YAP1: variants seen among roughly 807,000 people sequenced by gnomAD.
YAP1 encodes the protein transcriptional coactivator YAP1.
Under a neutral mutation model 56.9 loss-of-function variants are expected in YAP1, and 5 were observed. The ratio of observed to expected loss-of-function variants is 0.09; its 90% CI spans 0.05 to 0.18. YAP1 has a LOEUF of 0.18. Among genes scored for constraint, YAP1 ranks in the 10% least tolerant of loss-of-function variants. The probability of loss-of-function intolerance (pLI) is 1.00; values close to 1 mark genes in which losing one functional copy is unlikely to be tolerated. For synonymous variants in YAP1, 265 were observed against 248.1 expected (o/e 1.07, Z -0.64); for missense variants, 539 against 651.8 (o/e 0.83, Z 1.88).
chr11:102,215,096 A>G (rs1412014034), intron 6 of YAP1, among the ~76,000 whole-genome samples: 1 of 152,248 alleles, frequency 6.6e-6, no homozygotes, highest in African/African-American at 2.4e-5. Context: ...GACTTTAGAA[A>G]TAATAAAATG....
At chr11:102,127,271 C>G (rs771579038) in intron 2 of YAP1, among the ~76,000 whole-genome samples, 31 of 152,218 alleles carry the variant, frequency 2.0e-4, no homozygotes, top group Non-Finnish European at 4.0e-4. Context: ...ACGTCAGCCC[C>G]TCCCATCACA....
At chr11:102,140,149 T>A (rs1057033177) in intron 2 of YAP1, among the ~76,000 whole-genome samples, 2 of 150,896 alleles carry the variant, frequency 1.3e-5, no homozygotes, top group Non-Finnish European at 2.9e-5. Flanking sequence ...TCTGATAGTG[T>A]AAAAAAAATT....
intron 4 of YAP1, among the ~76,000 whole-genome samples, chr11:102,194,525 C>T (rs1018146304): frequency 6.6e-6 from 1 of 152,164 alleles, no homozygotes; most frequent in Non-Finnish European, 1.5e-5. Context: ...GTGCCAGTTA[C>T]ATGCCAGGCA....
intron 5 of YAP1, among the ~76,000 whole-genome samples, chr11:102,206,612 A>G (rs1949133235): frequency 6.6e-6 from 1 of 152,278 alleles, no homozygotes; most frequent in East Asian, 1.9e-4. Context: ...TTGGGAGGCC[A>G]GGGTGGGCAG....
rs77939908 is a variant in YAP1 at position 102,163,194 on chromosome 11, C to T, written c.688+623C>T. Among the ~76,000 whole-genome samples the T allele has an allele frequency of 7.2e-3, 1,095 of 152,160 alleles. 13 individuals are homozygous for T. Among genetic ancestry groups the T allele is most frequent in the African/African-American group, 0.025 (1,046 of 41,504 alleles). On this transcript the variant is annotated intron_variant, in intron 3 of 8. Coordinates refer to ENST00000282441, the MANE Select transcript of YAP1 (RefSeq NM_001130145.3). ...AAATCTTTTTCTACCTCTTATTTGG[C>T]AATTTACTTGAATATGCAGTTTTTC...
intron 2 of YAP1, among the ~76,000 whole-genome samples, chr11:102,141,691 G>A (rs1018710213): frequency 6.6e-6 from 1 of 152,172 alleles, no homozygotes; most frequent in Non-Finnish European, 1.5e-5. Context: ...ATAACAACAT[G>A]TAATTTTAGT....
intron 2 of YAP1, among the ~76,000 whole-genome samples, chr11:102,149,197 A>G (rs966656357): frequency 2.6e-5 from 4 of 152,340 alleles, no homozygotes; most frequent in Middle Eastern, 3.4e-3. Flanking sequence ...TATTAATGCT[A>G]TGTAACCTGA....
In YAP1 at chr11:102,230,365, C is replaced by T. The variant is rs1165780951; in HGVS notation, c.*425C>T. 6.2e-6 allele frequency: 1 copy of T among 161,954 alleles called. No homozygotes were observed. The allele number at this position is 161,954 out of a possible 1,614,324, so 10.0% of individuals were successfully genotyped here. ...CAGTTGTTTCTTCAGCTTCCTTTGT[C>T]CAGTGGAAAAACATGATTTACTGGT... On this transcript the variant is annotated 3_prime_UTR_variant, in exon 9 of 9. Transcript: ENST00000282441.
chr11:102,150,070 C>T (rs11225151), intron 2 of YAP1, among the ~76,000 whole-genome samples: 74,753 of 146,702 alleles, frequency 0.51, 20,577 homozygotes, highest in South Asian at 0.68. Flanking sequence ...TTGCAACTTC[C>T]GTCTAGTGGA....
At chr11:102,188,648 G>C (rs1038701083) in intron 4 of YAP1, among the ~76,000 whole-genome samples, 26 of 113,694 alleles carry the variant, frequency 2.3e-4, no homozygotes, top group Non-Finnish European at 4.6e-4. Flanking sequence ...ACACTAACAG[G>C]CTGTACAGTT....
chr11:102,211,022 T>C (rs1949380292), intron 6 of YAP1, among the ~76,000 whole-genome samples: 1 of 152,200 alleles, frequency 6.6e-6, no homozygotes. Flanking sequence ...CCCAAATTGC[T>C]GGGATTACAG....
In YAP1 at chr11:102,194,566, C is replaced by G. The variant is rs1948475227; in HGVS notation, c.802+8435C>G. ...CTAGCCATGGGTTGGGAGGAACAAGCTACTAAACAAGTAAATAAATCATTA... is the reference window on the plus strand; with the variant it reads ...CTAGCCATGGGTTGGGAGGAACAAGGTACTAAACAAGTAAATAAATCATTA... On this transcript the variant is annotated intron_variant, in intron 4 of 8. Transcript: ENST00000282441. 3.3e-5 allele frequency among the ~76,000 whole-genome samples: 5 copies of G among 152,176 alleles called. No individual in the cohort carries two copies. The South Asian group carries it at 1.0e-3, about 31-fold the overall frequency.
intron 2 of YAP1, among the ~76,000 whole-genome samples, chr11:102,151,428 G>A (rs949035663): frequency 1.3e-5 from 2 of 152,110 alleles, no homozygotes; most frequent in Non-Finnish European, 2.9e-5. Context: ...GCCTTCAGAG[G>A]CTGTCACCTT....
chr11:102,137,414 G>A (rs998052805), intron 2 of YAP1, among the ~76,000 whole-genome samples: 1 of 152,292 alleles, frequency 6.6e-6, no homozygotes, highest in East Asian at 1.9e-4. Context: ...TAAACTGGGT[G>A]CCATATAATG....
intron 3 of YAP1, among the ~76,000 whole-genome samples, chr11:102,184,205 C>G (rs1013319743): frequency 6.6e-6 from 1 of 151,980 alleles, no homozygotes; most frequent in African/African-American, 2.4e-5. Context: ...TTTTCAGTGC[C>G]TAAAAATTTT....
intron 7 of YAP1, among the ~76,000 whole-genome samples, chr11:102,226,063 T>G (rs1950178603): frequency 6.6e-6 from 1 of 152,222 alleles, no homozygotes; most frequent in Admixed American, 6.5e-5. Flanking sequence ...GTTCAGTTAT[T>G]CAGTAATAGA....
At chr11:102,118,997 A>G (rs1267675329) in intron 2 of YAP1, among the ~76,000 whole-genome samples, 1 of 152,062 alleles carries the variant, frequency 6.6e-6, no homozygotes, top group African/African-American at 2.4e-5. Context: ...GCACACGTGC[A>G]CATGTATACA....
rs146071656 is a variant in YAP1, at chr11:102,228,611, G to A, written c.1276+1030G>A. ...GATCACACCACTGCACTCCAGCCTG[G>A]GTGACAGAGCAAGACTCCGTCTCAA... is the stretch of plus-strand genomic sequence containing the variant. On this transcript the variant is annotated intron_variant, in intron 8 of 8. Transcript: ENST00000282441. 5.3e-3 allele frequency among the ~76,000 whole-genome samples: 670 copies of A among 127,132 alleles called. 4 individuals carry two copies. The highest frequency in any genetic ancestry group is 0.018 in the African/African-American group (642 of 35,130). The allele number at this position is 127,132 out of a possible 152,430, so 83.4% of individuals were successfully genotyped here. A position where few individuals can be genotyped will look rare whatever the true frequency, so the allele number is the denominator to read the frequency against.
intron 3 of YAP1, among the ~76,000 whole-genome samples, chr11:102,171,783 A>G (rs1161836142): frequency 6.6e-6 from 1 of 152,136 alleles, no homozygotes; most frequent in Admixed American, 6.6e-5. Flanking sequence ...AGATAATAGT[A>G]TTTTTCCCTT....
Sources: gnomAD v4.1 joint callset for allele counts (sites outside exome capture counted in the v4.1 genomes callset) on GRCh38, gnomAD v4.1.1 for gene constraint, MANE v1.5 for transcripts, NCBI Gene and HGNC (gene_info 2026-07-23, HGNC 2026-07-21) for gene names.